TAS2R1: variants seen among roughly 807,000 people sequenced by gnomAD.
TAS2R1 encodes taste receptor type 2 member 1.
For missense variants in TAS2R1, 370 were observed against 353.4 expected (o/e 1.05, Z -0.38); for synonymous variants, 141 against 134.2 (o/e 1.05, Z -0.35).
chr5:9,872,803 T>G, the TAS2R1 span, among the ~76,000 whole-genome samples: 1 of 152,186 alleles, frequency 6.6e-6, no homozygotes, highest in Non-Finnish European at 1.5e-5. Flanking sequence ...CAAAAGATAA[T>G]AACCATACTC....
chr5:9,855,508 CAT>C, the TAS2R1 span, among the ~76,000 whole-genome samples: 3 of 152,328 alleles, frequency 2.0e-5, no homozygotes, highest in East Asian at 3.9e-4. Flanking sequence ...AGCGTGCACA[CAT>C]GAGTGCATGC....
chr5:9,858,540 A>G, the TAS2R1 span, among the ~76,000 whole-genome samples: 2 of 152,240 alleles, frequency 1.3e-5, no homozygotes, highest in South Asian at 2.1e-4. Flanking sequence ...ACATAAAAGA[A>G]CACATTGATA....
chr5:9,631,005 C>T (rs567923244), upstream of TAS2R1, among the ~76,000 whole-genome samples: 3 of 152,132 alleles, frequency 2.0e-5, no homozygotes, highest in African/African-American at 4.8e-5. Flanking sequence ...TTGTTAGGCA[C>T]GGGCTGTCCT....
chr5:9,853,889 C>T, the TAS2R1 span, among the ~76,000 whole-genome samples: 3 of 152,108 alleles, frequency 2.0e-5, no homozygotes, highest in Non-Finnish European at 4.4e-5. Flanking sequence ...CTAAATCTAC[C>T]TCCCAATAAC....
chr5:9,836,400 A>G, the TAS2R1 span, among the ~76,000 whole-genome samples: 1 of 152,024 alleles, frequency 6.6e-6, no homozygotes, highest in East Asian at 1.9e-4. Context: ...GGGGCAGGAT[A>G]ATTCTTTGTT....
the TAS2R1 span, among the ~76,000 whole-genome samples, chr5:9,823,627 A>G: frequency 7.9e-6 from 1 of 127,316 alleles, no homozygotes; most frequent in Non-Finnish European, 1.6e-5. Flanking sequence ...GGAGAGGGAA[A>G]GGGAGGAAGG....
chr5:9,880,309 C>T, the TAS2R1 span, among the ~76,000 whole-genome samples: 3 of 152,262 alleles, frequency 2.0e-5, no homozygotes, highest in Admixed American at 2.0e-4. Flanking sequence ...CACCTGCTTC[C>T]TAAGGAATTT....
chr5:9,887,726 G>A, the TAS2R1 span, among the ~76,000 whole-genome samples: 2 of 152,176 alleles, frequency 1.3e-5, no homozygotes, highest in African/African-American at 4.8e-5. Context: ...TGTCCTCGAG[G>A]AGCTCACAGG....
In TAS2R1 at chr5:9,640,518, A is replaced by AC. The variant is rs1359630844; in HGVS notation, c.-80-10527_-80-10526insG. On this transcript the variant is annotated intron_variant, in intron 2 of 2. Coordinates refer to the TAS2R1 transcript ENST00000506620. ...TCCTTAAAAAAAAAAAAAAAAAAAA[A>AC]AAAACAGTACCTGTAAAGCACAACA... Among the ~76,000 whole-genome samples, 10 of 148,288 alleles carry AC rather than the reference A, an allele frequency of 6.7e-5. No individual in the cohort carries two copies. The East Asian group carries it at 1.6e-3, about 23-fold the overall frequency.
chr5:9,796,721 GAAAAAA>G, the TAS2R1 span, among the ~76,000 whole-genome samples: 1 of 99,764 alleles, frequency 1.0e-5, no homozygotes, highest in African/African-American at 3.1e-5. Flanking sequence ...CTATTTTCTG[GAAAAAA>G]AAAAAAAAAA....
intron 2 of TAS2R1, among the ~76,000 whole-genome samples, chr5:9,655,602 T>G (rs1444902506): frequency 2.0e-5 from 3 of 151,998 alleles, no homozygotes; most frequent in Non-Finnish European, 2.9e-5. Context: ...TAAACAAAAT[T>G]TTAAATGTGT....
At chr5:9,889,545 G>A in the TAS2R1 span, 4 of 152,010 alleles carry the variant, frequency 2.6e-5, no homozygotes, top group African/African-American at 7.3e-5. Context: ...TACAGCGGGG[G>A]TTTTTTGCTC....
Position 9,629,627 on chromosome 5 carries a change from A to G in TAS2R1, c.406T>C (p.Tyr136His). 1 of 1,614,214 alleles carries G rather than the reference A, an allele frequency of 6.2e-7. No homozygotes were observed. The highest frequency in any genetic ancestry group is 1.3e-5 in the African/African-American group (1 of 75,056). ...TGGAAAACACAAATCATAGATACAT[A>G]TAGCAGAGACCCCAGGATCATCCAT... is the stretch of plus-strand genomic sequence containing the variant. ...VPWMILGSLL[Y>H]VSMICVFHSK... The change falls in exon 1 of 1, where the codon TAT becomes CAT. Residue 136 changes from tyrosine to histidine, a missense_variant. Tyr to His is a moderately conservative substitution (Grantham distance 83, BLOSUM62 2). Coordinates refer to ENST00000382492, the MANE Select transcript of TAS2R1 (RefSeq NM_019599.3).
the TAS2R1 span, among the ~76,000 whole-genome samples, chr5:9,842,314 C>T: frequency 0.34 from 42,381 of 126,444 alleles, 7,820 homozygotes; most frequent in South Asian, 0.38. Flanking sequence ...CTTTCTTTCT[C>T]TCTTTTTTTT....
the TAS2R1 span, among the ~76,000 whole-genome samples, chr5:9,824,346 C>A: frequency 6.6e-6 from 1 of 152,204 alleles, no homozygotes; most frequent in African/African-American, 2.4e-5. Context: ...CTGGAACTTT[C>A]TTCATAAAAC....
the TAS2R1 span, among the ~76,000 whole-genome samples, chr5:9,769,290 T>C: frequency 1.3e-5 from 2 of 152,232 alleles, no homozygotes; most frequent in South Asian, 2.1e-4. Context: ...ATTGCACATA[T>C]GTACCATGTT....
chr5:9,739,472 T>G, the TAS2R1 span, among the ~76,000 whole-genome samples: 60 of 152,212 alleles, frequency 3.9e-4, no homozygotes, highest in African/African-American at 1.4e-3. Flanking sequence ...TGGGAATTAA[T>G]GAATAACAAT....
the TAS2R1 span, chr5:9,867,092 C>A: frequency 2.7e-4 from 41 of 152,328 alleles, no homozygotes; most frequent in African/African-American, 9.9e-4. Flanking sequence ...AAAGGACTGA[C>A]TGCTGACAAG....
chr5:9,824,167 G>A, the TAS2R1 span, among the ~76,000 whole-genome samples: 2 of 152,252 alleles, frequency 1.3e-5, no homozygotes, highest in South Asian at 2.1e-4. Context: ...CGTCTTCTGC[G>A]CCTGACTCCC....
Sources: allele counts gnomAD v4.1 joint callset (sites outside exome capture counted in the v4.1 genomes callset), GRCh38; gene constraint gnomAD v4.1.1; transcripts MANE v1.5; gene names NCBI Gene and HGNC (gene_info 2026-07-23, HGNC 2026-07-21).